COL5A1: variants seen among roughly 807,000 people sequenced by gnomAD.
COL5A1 encodes collagen type V alpha 1 chain, also known as collagen alpha-1(V) chain.
In COL5A1, 16 loss-of-function variants were observed where a neutral mutation model predicts 263.7. That is an observed-to-expected ratio of 0.06 (90% CI 0.04 to 0.09). The LOEUF (loss-of-function observed/expected upper bound fraction) is 0.09. COL5A1 is among the 10% of genes least tolerant of loss of function. COL5A1 has a pLI of 1.00. For synonymous variants in COL5A1, 1,012 were observed against 1,004.5 expected, an observed-to-expected ratio of 1.01 and a Z score of -0.14; for missense variants, 2,036 against 2,540.5, an observed-to-expected ratio of 0.80 and a Z score of 4.27.
chr9:134,642,234 G>C lies in COL5A1; in HGVS notation c.47G>C (p.Gly16Ala). ...RWKARSALRP[G>A]APLLPPLLLL... Reference sequence around the variant, plus strand: ...AAAGCGCGCAGCGCGCTCCGCCCGGGCGCCCCGCTGCTGCCCCCGCTGCTG... The same window carrying C: ...AAAGCGCGCAGCGCGCTCCGCCCGGCCGCCCCGCTGCTGCCCCCGCTGCTG... The change falls in exon 1 of 66, where the codon GGC becomes GCC. Residue 16 changes from glycine (G) to alanine (A), a missense_variant. Gly to Ala is a moderately conservative substitution (Grantham distance 60). Coordinates refer to ENST00000371817, the MANE Select transcript of COL5A1 (RefSeq NM_000093.5). The surrounding 1 kb of genome is among the most constrained non-coding windows in gnomAD (Gnocchi z 4.5). The C allele has an allele frequency of 7.7e-7, 1 of 1,294,514 alleles. No individual in the cohort carries two copies. The highest frequency in any genetic ancestry group is 9.8e-7 in the Non-Finnish European group (1 of 1,016,998). 80.2% of individuals were successfully genotyped at this position (1,294,514 alleles called of 1,614,324 possible).
chr9:134,808,243 A>G (rs1002946016), intron 42 of COL5A1, among the ~76,000 whole-genome samples: 1 of 152,114 alleles, frequency 6.6e-6, no homozygotes, highest in African/African-American at 2.4e-5. Flanking sequence ...TCCCTTCCCA[A>G]TGTGCACACC....
Position 134,842,731 on chromosome 9 carries a change from A to C in COL5A1, c.*428A>C. The C allele has an allele frequency of 4.3e-6, 1 of 233,440 alleles. No individual in the cohort carries two copies. 14.5% of individuals were successfully genotyped at this position (233,440 alleles called of 1,614,324 possible). On this transcript the variant is annotated 3_prime_UTR_variant, in exon 66 of 66. Transcript: ENST00000371817. This position sits in a 1 kb window ranked among gnomAD's most constrained non-coding sequence, Gnocchi z 5.8. The stretch of plus-strand genomic sequence containing the variant: ...GTGTATTTCCCCTGACCTTCAAAAA[A>C]TGTTCCAAGGTAAGCCTCGTAAAGG...
intron 1 of COL5A1, among the ~76,000 whole-genome samples, chr9:134,672,574 A>G (rs1218648218): frequency 6.6e-6 from 1 of 152,246 alleles, no homozygotes; most frequent in African/African-American, 2.4e-5. Flanking sequence ...TTCATGTAAA[A>G]TCCACATACT....
In COL5A1 at chr9:134,754,379, A is replaced by G; in HGVS notation, c.1827+53A>G. On this transcript the variant is annotated intron_variant, in intron 16 of 65. Transcript: ENST00000371817. The surrounding 1 kb of genome is among the most constrained non-coding windows in gnomAD (Gnocchi z 4.3). ...GTGACAGCAGCTTGGGCGCTGGAGG[A>G]GCCCAAATCTGGGGTGCGGGCACCC... The G allele has an allele frequency of 1.9e-6, 3 of 1,604,204 alleles. No individual in the cohort carries two copies. Among genetic ancestry groups the G allele is most frequent in the Non-Finnish European group, 2.6e-6 (3 of 1,171,536 alleles).
chr9:134,658,213 G>T (rs1368507748), intron 1 of COL5A1, among the ~76,000 whole-genome samples: 1 of 152,202 alleles, frequency 6.6e-6, no homozygotes, highest in East Asian at 1.9e-4. Flanking sequence ...GTGGTGGTGG[G>T]CAGCTCGCCC....
chr9:134,761,092 CCCCACACATGCACACAA>C (rs1484599886), intron 18 of COL5A1, among the ~76,000 whole-genome samples: 32 of 143,232 alleles, frequency 2.2e-4, no homozygotes, highest in African/African-American at 8.1e-4. Context: ...CGTGCACACA[CCCCACACATGCACACAA>C]CCCACACATG....
intron 1 of COL5A1, among the ~76,000 whole-genome samples, chr9:134,659,878 T>C (rs1832149184): frequency 6.6e-6 from 1 of 152,180 alleles, no homozygotes; most frequent in Non-Finnish European, 1.5e-5. Flanking sequence ...AGTTTTTCCA[T>C]TTTAGCGGGA....
In COL5A1 at chr9:134,691,433, C is replaced by T. The variant is rs146235106; in HGVS notation, c.277+354C>T. 2.6e-3 allele frequency among the ~76,000 whole-genome samples: 401 copies of T among 152,212 alleles called. 1 individual carries two copies. Among genetic ancestry groups the T allele is most frequent in the African/African-American group, 9.2e-3 (384 of 41,532 alleles). Reference sequence around the variant, plus strand: ...TCCTGAGGGATGAGGTTGAGAGAAACCTCGGGGTCGTGGGAAAGGAAGCAC... The same window carrying T: ...TCCTGAGGGATGAGGTTGAGAGAAATCTCGGGGTCGTGGGAAAGGAAGCAC... On this transcript the variant is annotated intron_variant, in intron 2 of 65. Transcript: ENST00000371817.
intron 49 of COL5A1, 124 bp from the exon 50 acceptor site, chr9:134,814,673 G>A: frequency 2.6e-6 from 2 of 779,842 alleles, no homozygotes; most frequent in Non-Finnish European, 4.4e-6. Flanking sequence ...CCAGCCCCCT[G>A]CAGGGCTCAG....
rs1320076165 is a variant in COL5A1 at position 134,728,871 on chromosome 9, G to A, written c.924+64G>A. The A allele has an allele frequency of 5.0e-6, 8 of 1,598,888 alleles. No homozygotes were observed. In the Admixed American group the frequency reaches 5.0e-5, roughly 10 times the overall value. On this transcript the variant is annotated intron_variant, in intron 6 of 65. Transcript: ENST00000371817. ...TCGAGGCCATGGTGCAGGGGAGGGC[G>A]AGGCCAGGAGAGGTTGTGTCAGGGT...
chr9:134,761,234 A>C (rs931999438), intron 18 of COL5A1, among the ~76,000 whole-genome samples: 2 of 139,396 alleles, frequency 1.4e-5, no homozygotes, highest in African/African-American at 5.6e-5. Context: ...CACACCCCAC[A>C]TACCCCCACA....
intron 59 of COL5A1, 100 bp from the exon 60 acceptor site, chr9:134,822,898 A>T: frequency 7.6e-7 from 1 of 1,321,780 alleles, no homozygotes. Flanking sequence ...TGCGGGTGGG[A>T]GAGGGGCGAG....
At chr9:134,707,818 C>CA (rs998841264) in intron 4 of COL5A1, among the ~76,000 whole-genome samples, 2 of 152,240 alleles carry the variant, frequency 1.3e-5, no homozygotes, top group Admixed American at 6.5e-5. Flanking sequence ...CTGGAGCCCG[C>CA]AGCCCATCAC....
At chr9:134,659,569 T>C (rs1468565776) in intron 1 of COL5A1, among the ~76,000 whole-genome samples, 4 of 152,114 alleles carry the variant, frequency 2.6e-5, no homozygotes, top group Non-Finnish European at 5.9e-5. Context: ...GGGGTCTTCA[T>C]CCCTGCAGTA....
chr9:134,842,611 G>T lies in COL5A1; in HGVS notation c.*308G>T. 2 of 523,258 alleles carry T rather than the reference G, an allele frequency of 3.8e-6. No homozygotes were observed. Among genetic ancestry groups the T allele is most frequent in the Non-Finnish European group, 6.9e-6 (2 of 289,244 alleles). The allele number at this position is 523,258 out of a possible 1,614,324, so 32.4% of individuals were successfully genotyped here. On this transcript the variant is annotated 3_prime_UTR_variant, in exon 66 of 66. Transcript: ENST00000371817. This position sits in a 1 kb window ranked among gnomAD's most constrained non-coding sequence, Gnocchi z 5.8. ...GGCCATGCCTCCAGCCCCCCAGCTC[G>T]CCCGACCCATCCTGTTCGTGAATAG...
chr9:134,644,828 G>A (rs1019395639), intron 1 of COL5A1, among the ~76,000 whole-genome samples: 3 of 152,186 alleles, frequency 2.0e-5, no homozygotes, highest in South Asian at 4.1e-4. Context: ...CACGCCATTG[G>A]TTGACTCCAG....
chr9:134,738,711 T>C (rs1835192891), intron 10 of COL5A1, 35 bp from the exon 11 acceptor site: 1 of 1,473,132 alleles, frequency 6.8e-7, no homozygotes, highest in African/African-American at 1.4e-5. Context: ...TGCGGCCCCA[T>C]CTTCTAACTG....
rs775237153 is a variant in COL5A1 at position 134,716,414 on chromosome 9, C to T, written c.655-10852C>T. 1.5e-3 allele frequency among the ~76,000 whole-genome samples: 222 copies of T among 152,136 alleles called. No homozygotes were observed. The highest frequency in any genetic ancestry group is 0.014 in the Middle Eastern group (4 of 294). ...ACATCCCCTGTGCTCAGCGATGCCC[C>T]GTGTGCCATAAAACAGTGTCTGCAG... On this transcript the variant is annotated intron_variant, in intron 4 of 65. Coordinates refer to ENST00000371817, the MANE Select transcript of COL5A1 (RefSeq NM_000093.5). This position sits in a 1 kb window ranked among gnomAD's most constrained non-coding sequence, Gnocchi z 4.5.
At chr9:134,773,595 C>T (rs1419083101) in intron 26 of COL5A1, among the ~76,000 whole-genome samples, 3 of 152,246 alleles carry the variant, frequency 2.0e-5, no homozygotes, top group Non-Finnish European at 4.4e-5. Flanking sequence ...GTCACAGGCT[C>T]TGGAATCGGG....
Sources: gnomAD v4.1 joint callset for allele counts (sites outside exome capture counted in the v4.1 genomes callset) on GRCh38, gnomAD v4.1.1 for gene constraint, Gnocchi (gnomAD v3.1) non-coding constraint, MANE v1.5 for transcripts, NCBI Gene and HGNC (gene_info 2026-07-23, HGNC 2026-07-21) for gene names.